Variants in YAE1 observed in about 807,000 individuals in gnomAD.
YAE1 encodes the protein YAE1 maturation factor of ABCE1.
In YAE1, 22 loss-of-function variants were observed where a neutral mutation model predicts 23.0. The ratio of observed to expected loss-of-function variants is 0.96; its 90% CI spans 0.68 to 1.37. The LOEUF (loss-of-function observed/expected upper bound fraction) is 1.37, where lower values mean the gene tolerates loss of function less well. Among genes scored for constraint, YAE1 ranks in the 40% most tolerant of loss-of-function variants. YAE1 has a pLI of 0.00. For synonymous variants in YAE1, 101 were observed against 97.0 expected, an observed-to-expected ratio of 1.04 and a Z score of -0.24; for missense variants, 260 against 262.1, an observed-to-expected ratio of 0.99 and a Z score of 0.06.
chr7:39,596,358 C>T (rs549879617), intron 2 of YAE1, among the ~76,000 whole-genome samples: 3 of 152,100 alleles, frequency 2.0e-5, no homozygotes, highest in Admixed American at 2.0e-4. Context: ...GCCTCCCAGC[C>T]TCCCAAATAG....
intron 2 of YAE1, among the ~76,000 whole-genome samples, chr7:39,600,781 G>A (rs1390888776): frequency 6.6e-6 from 1 of 152,182 alleles, no homozygotes; most frequent in Non-Finnish European, 1.5e-5. Context: ...AGAAGGTAAT[G>A]CATTTGCAAG....
chr7:39,569,460 T>G (rs559361180), intron 1 of YAE1: 19 of 495,096 alleles, frequency 3.8e-5, no homozygotes, highest in South Asian at 1.1e-4. Context: ...ACTTTTGGCT[T>G]CTTCTTCTGA....
At chr7:39,609,814 C>G in exon 3 of YAE1, 1 of 1,531,476 alleles carries the variant, frequency 6.5e-7, no homozygotes, top group Non-Finnish European at 8.7e-7. Flanking sequence ...CGCTTCCCCG[C>G]CCGGCTCCGG....
chr7:39,601,951 C>T (rs1312245049), intron 2 of YAE1, among the ~76,000 whole-genome samples: 2 of 151,918 alleles, frequency 1.3e-5, no homozygotes, highest in African/African-American at 4.8e-5. Flanking sequence ...CCGAAGAGTG[C>T]CCAGCAAGTG....
intron 2 of YAE1, among the ~76,000 whole-genome samples, chr7:39,580,577 T>TC (rs1790726959): frequency 1.3e-5 from 2 of 152,190 alleles, no homozygotes; most frequent in African/African-American, 4.8e-5. Context: ...AAGAAGCTGT[T>TC]GAGTTAGTTC....
downstream of YAE1, among the ~76,000 whole-genome samples, chr7:39,576,281 T>C (rs1790656361): frequency 6.6e-6 from 1 of 152,232 alleles, no homozygotes; most frequent in Admixed American, 6.5e-5. Flanking sequence ...AATCTAGCTG[T>C]CTTCCTGTCC....
intron 1 of YAE1, chr7:39,570,050 T>G (rs1790540207): frequency 7.5e-7 from 1 of 1,327,740 alleles, no homozygotes; most frequent in Non-Finnish European, 1.1e-6. Context: ...GGCATAAAAT[T>G]GTATCATCCA....
chr7:39,596,365 A>AG (rs1790973650), intron 2 of YAE1, among the ~76,000 whole-genome samples: 1 of 151,858 alleles, frequency 6.6e-6, no homozygotes. Context: ...AGCCTCCCAA[A>AG]TAGCTGGGAT....
At chr7:39,604,215 GC>G (rs1186139520) in intron 2 of YAE1, among the ~76,000 whole-genome samples, 9 of 152,144 alleles carry the variant, frequency 5.9e-5, no homozygotes, top group African/African-American at 1.9e-4. Context: ...AAGGAAAGAG[GC>G]CATTTATTAA....
intron 2 of YAE1, among the ~76,000 whole-genome samples, chr7:39,595,240 A>G (rs1415539882): frequency 6.6e-6 from 1 of 151,838 alleles, no homozygotes; most frequent in Non-Finnish European, 1.5e-5. Flanking sequence ...TTTTTTTTCC[A>G]AGGTTAAGGA....
At chr7:39,566,636 G>A in intron 1 of YAE1, 89 bp downstream of exon 1, 1 of 1,551,868 alleles carries the variant, frequency 6.4e-7, no homozygotes, top group Non-Finnish European at 8.7e-7. Flanking sequence ...GCCCCAGCCT[G>A]GCCCGGCGCT....
intron 1 of YAE1, 93 bp downstream of exon 1, chr7:39,566,640 C>G: frequency 6.5e-7 from 1 of 1,534,118 alleles, no homozygotes; most frequent in Non-Finnish European, 8.8e-7. Context: ...CAGCCTGGCC[C>G]GGCGCTGCTC....
chr7:39,606,099 A>T (rs73379315), intron 2 of YAE1, among the ~76,000 whole-genome samples: 1 of 151,950 alleles, frequency 6.6e-6, no homozygotes, highest in African/African-American at 2.4e-5. Flanking sequence ...GTCTCCTACA[A>T]CTTTGAAATC....
downstream of YAE1, among the ~76,000 whole-genome samples, chr7:39,575,575 A>AGAGAGAGTGAGAGAGAGAGAGT (rs1339594299): frequency 1.1e-4 from 9 of 81,722 alleles, no homozygotes; most frequent in African/African-American, 6.6e-4. Context: ...AGAGAGAGAG[A>AGAGAGAGTGAGAGAGAGAGAGT]GAGTGAGTGT....
At position 39,572,777 on chromosome 7, in the gene YAE1, G is replaced by A. The variant is rs1790594626; in HGVS notation, c.*71G>A. On this transcript the variant is annotated 3_prime_UTR_variant, in exon 3 of 3. Coordinates refer to ENST00000223273, the MANE Select transcript of YAE1 (RefSeq NM_020192.5). ...TTTCCTAACAATCGAAATTTGTACT[G>A]GTTTCTGCATCAAACACCTCAACTG... 6.7e-7 allele frequency: 1 copy of A among 1,502,264 alleles called. No individual in the cohort carries two copies. The highest frequency in any genetic ancestry group is 1.4e-5 in the African/African-American group (1 of 71,124). The allele number at this position is 1,502,264 out of a possible 1,614,324, so 93.1% of individuals were successfully genotyped here. A position where few individuals can be genotyped will look rare whatever the true frequency, so the allele number is the denominator to read the frequency against.
At chr7:39,569,538 T>G in intron 1 of YAE1, 1 of 499,944 alleles carries the variant, frequency 2.0e-6, no homozygotes, top group Non-Finnish European at 3.9e-6. Context: ...TTCTGATAAT[T>G]TTTTTGAAGG....
At chr7:39,588,028 T>C (rs1790845449) in intron 2 of YAE1, among the ~76,000 whole-genome samples, 1 of 152,244 alleles carries the variant, frequency 6.6e-6, no homozygotes, top group Admixed American at 6.5e-5. Flanking sequence ...CCGGGACTTG[T>C]TAATAACAGT....
chr7:39,566,579 G>T (rs779596285), intron 1 of YAE1, 32 bp downstream of exon 1: 1 of 1,611,604 alleles, frequency 6.2e-7, no homozygotes, highest in Non-Finnish European at 8.5e-7. Context: ...CGGGGTGCTG[G>T]GTTGTGGGAA....
chr7:39,606,336 T>C (rs189795826), intron 2 of YAE1, among the ~76,000 whole-genome samples: 1 of 152,362 alleles, frequency 6.6e-6, no homozygotes, highest in Admixed American at 6.5e-5. Context: ...AAGTTTCATT[T>C]AATAAAATTT....
Sources: allele counts gnomAD v4.1 joint callset (sites outside exome capture counted in the v4.1 genomes callset), GRCh38; gene constraint gnomAD v4.1.1; transcripts MANE v1.5; gene names NCBI Gene and HGNC (gene_info 2026-07-23, HGNC 2026-07-21).